The following OPCML variants were observed in gnomAD, a reference collection of about 807,000 sequenced individuals.
OPCML encodes opioid-binding protein/cell adhesion molecule.
OPCML carries 13 observed loss-of-function variants against 37.8 expected under a neutral mutation model. That is an observed-to-expected ratio of 0.34 (90% confidence interval 0.22 to 0.55). The LOEUF is 0.55. OPCML is among the 20% of genes least tolerant of loss of function. The probability of loss-of-function intolerance (pLI) is 0.91; values close to 1 mark genes in which losing one functional copy is unlikely to be tolerated. For missense variants in OPCML, 341 were observed against 435.6 expected (o/e 0.78, Z 1.93); for synonymous variants, 176 against 168.8 (o/e 1.04, Z -0.33).
chr11:133,072,138 G>A (rs761287215), intron 1 of OPCML, among the ~76,000 whole-genome samples: 7 of 152,074 alleles, frequency 4.6e-5, no homozygotes, highest in Admixed American at 2.6e-4. Flanking sequence ...GGGAGAGACC[G>A]CTAATGAGTA....
intron 1 of OPCML, among the ~76,000 whole-genome samples, chr11:133,483,723 A>G (rs1251577163): frequency 1.4e-5 from 2 of 143,972 alleles, no homozygotes; most frequent in African/African-American, 2.5e-5. Flanking sequence ...TAGATAGATA[A>G]AATAGGCAGA....
chr11:133,459,227 T>C (rs1340554232), intron 1 of OPCML, among the ~76,000 whole-genome samples: 2 of 151,770 alleles, frequency 1.3e-5, no homozygotes, highest in Non-Finnish European at 2.9e-5. Flanking sequence ...TTATAGAATA[T>C]ACACAAAAGG....
intron 1 of OPCML, among the ~76,000 whole-genome samples, chr11:132,989,221 C>T (rs143501670): frequency 2.2e-4 from 34 of 152,282 alleles, no homozygotes; most frequent in Non-Finnish European, 4.3e-4. Context: ...AGGAAAAAAT[C>T]ATTGGTTCAG....
rs547032859 is a variant in OPCML, at chr11:132,713,937, T to C, written c.147-56618A>G. Among the ~76,000 whole-genome samples the C allele has an allele frequency of 8.5e-5, 13 of 152,340 alleles. No homozygotes were observed. In the South Asian group the frequency reaches 2.5e-3, roughly 29 times the overall value. ...AGGTGTAATAGACAAAAATTATCATTAAAGTGTTATTCATTGCAATAAAAA... is the reference window on the plus strand; with the variant it reads ...AGGTGTAATAGACAAAAATTATCATCAAAGTGTTATTCATTGCAATAAAAA... On this transcript the variant is annotated intron_variant, in intron 2 of 7. Transcript: ENST00000524381.
intron 1 of OPCML, among the ~76,000 whole-genome samples, chr11:133,358,266 G>C (rs1295866323): frequency 6.6e-6 from 1 of 151,926 alleles, no homozygotes; most frequent in African/African-American, 2.4e-5. Context: ...TGTTGGTTTT[G>C]TTTCCCCTAG....
intron 1 of OPCML, among the ~76,000 whole-genome samples, chr11:133,033,538 C>T (rs571049947): frequency 1.1e-4 from 16 of 152,302 alleles, no homozygotes; most frequent in African/African-American, 3.4e-4. Context: ...TAAATAGCTT[C>T]TCATTTGCAA....
rs11285711 is a variant in OPCML, at chr11:132,996,618, C to CAAAA, written c.62-53612_62-53609dup. ...TGGGCAACAGAGAGAGGCTCCATCTCAAAAAAAAAAAAAAAAAATACTTGA... is the reference window on the plus strand; with the variant it reads ...TGGGCAACAGAGAGAGGCTCCATCTCAAAAAAAAAAAAAAAAAAAAAATACTTGA... On this transcript the variant is annotated intron_variant, in intron 1 of 7. Coordinates refer to ENST00000524381, the MANE Select transcript of OPCML (RefSeq NM_001012393.5). 3.3e-3 allele frequency among the ~76,000 whole-genome samples: 404 copies of CAAAA among 123,362 alleles called. 2 individuals are homozygous for CAAAA. Among genetic ancestry groups the CAAAA allele is most frequent in the African/African-American group, 0.012 (397 of 32,324 alleles). The allele number at this position is 123,362 out of a possible 152,430, so 80.9% of individuals were successfully genotyped here. A position where few individuals can be genotyped will look rare whatever the true frequency, so the allele number is the denominator to read the frequency against.
chr11:132,677,849 CTT>C (rs1483622066), intron 2 of OPCML, among the ~76,000 whole-genome samples: 1 of 152,048 alleles, frequency 6.6e-6, no homozygotes, highest in East Asian at 1.9e-4. Flanking sequence ...TTGGCAATGA[CTT>C]TTTAAATAAA....
chr11:133,333,104 G>C (rs565050236), intron 1 of OPCML, among the ~76,000 whole-genome samples: 51 of 152,276 alleles, frequency 3.3e-4, no homozygotes, highest in African/African-American at 1.2e-3. Flanking sequence ...TGTTACCCGG[G>C]TTGGAGTGCA....
chr11:133,307,203 G>A (rs1592186596), intron 1 of OPCML, among the ~76,000 whole-genome samples: 1 of 152,030 alleles, frequency 6.6e-6, no homozygotes, highest in East Asian at 1.9e-4. Context: ...AGCAACATAG[G>A]TGGTAGTCAA....
intron 1 of OPCML, among the ~76,000 whole-genome samples, chr11:133,011,227 G>T (rs997465709): frequency 3.3e-5 from 5 of 152,198 alleles, no homozygotes; most frequent in Admixed American, 6.5e-5. Context: ...TTTCTATGGA[G>T]TCTAAGTGGC....
chr11:132,713,400 T>C (rs537755902), intron 2 of OPCML, among the ~76,000 whole-genome samples: 1 of 152,292 alleles, frequency 6.6e-6, no homozygotes, highest in East Asian at 1.9e-4. Context: ...TTAACCAGTA[T>C]ACAGTAAGAA....
At chr11:132,487,544 C>A (rs1158275943) in intron 4 of OPCML, among the ~76,000 whole-genome samples, 1 of 152,204 alleles carries the variant, frequency 6.6e-6, no homozygotes, top group Admixed American at 6.5e-5. Flanking sequence ...CTGTTTGCTG[C>A]ACGAACACCT....
chr11:133,067,842 C>A (rs1386469900), intron 1 of OPCML: 2 of 152,168 alleles, frequency 1.3e-5, no homozygotes, highest in Non-Finnish European at 2.9e-5. Context: ...TGTCCAACCT[C>A]CCTTTCAAAA....
intron 1 of OPCML, among the ~76,000 whole-genome samples, chr11:133,188,443 A>T (rs1463090260): frequency 6.6e-5 from 10 of 152,130 alleles, no homozygotes; most frequent in Admixed American, 6.6e-4. Flanking sequence ...CTCCATCGCG[A>T]TCCACATTGT....
chr11:132,923,849 C>T (rs1379191537), intron 2 of OPCML, among the ~76,000 whole-genome samples: 2 of 150,014 alleles, frequency 1.3e-5, no homozygotes, highest in Admixed American at 6.7e-5. Context: ...CCGCAACCCC[C>T]GCCTCCCAGG....
chr11:133,447,743 T>C (rs1433728816), intron 1 of OPCML, among the ~76,000 whole-genome samples: 1 of 152,226 alleles, frequency 6.6e-6, no homozygotes, highest in Non-Finnish European at 1.5e-5. Context: ...GGAGTATATA[T>C]ACCACATTTT....
chr11:133,018,794 T>C lies in OPCML; in HGVS notation c.62-75784A>G, dbSNP rs150507260. 4.0e-3 allele frequency among the ~76,000 whole-genome samples: 605 copies of C among 152,326 alleles called. 5 individuals carry two copies. The highest frequency in any genetic ancestry group is 0.014 in the African/African-American group (582 of 41,588). On this transcript the variant is annotated intron_variant, in intron 1 of 7. Coordinates refer to ENST00000524381, the MANE Select transcript of OPCML (RefSeq NM_001012393.5). ...GCCCCGTGTACCCCGAGGCACACGC[T>C]GTGTCGTCCCCCCAGCAACATGCCT...
chr11:132,610,624 T>G (rs1441196789), intron 3 of OPCML, among the ~76,000 whole-genome samples: 1 of 152,164 alleles, frequency 6.6e-6, no homozygotes. Context: ...GGGTGGGGGA[T>G]GCTCGATGGT....
Sources: allele counts gnomAD v4.1 joint callset (sites outside exome capture counted in the v4.1 genomes callset), GRCh38; gene constraint gnomAD v4.1.1; transcripts MANE v1.5; gene names NCBI Gene and HGNC (gene_info 2026-07-23, HGNC 2026-07-21).